NKAIN2: variants seen among roughly 807,000 people sequenced by gnomAD.
The protein encoded by NKAIN2 is sodium/potassium transporting ATPase interacting 2.
In NKAIN2, 14 loss-of-function variants were observed where a neutral mutation model predicts 32.6. The ratio of observed to expected loss-of-function variants is 0.43; its 90% CI spans 0.28 to 0.67. The LOEUF is 0.67. Ranked by LOEUF, NKAIN2 falls within the 30% of genes least tolerant of loss-of-function variation. The probability of loss-of-function intolerance (pLI) is 0.17; values close to 1 mark genes in which losing one functional copy is unlikely to be tolerated. For missense variants in NKAIN2, 198 were observed against 258.3 expected, an observed-to-expected ratio of 0.77 and a Z score of 1.60; for synonymous variants, 80 against 87.2, an observed-to-expected ratio of 0.92 and a Z score of 0.46.
chr6:124,363,151 A>C (rs566464549), intron 3 of NKAIN2, among the ~76,000 whole-genome samples: 1 of 152,216 alleles, frequency 6.6e-6, no homozygotes, highest in African/African-American at 2.4e-5. Flanking sequence ...TTTTATGTGG[A>C]CTACTAAAAT....
chr6:124,312,029 G>A (rs188581510), intron 2 of NKAIN2, among the ~76,000 whole-genome samples: 5 of 152,176 alleles, frequency 3.3e-5, no homozygotes, highest in African/African-American at 1.2e-4. Flanking sequence ...TGGGGAGAGA[G>A]AAAGAGGTAT....
chr6:124,308,237 C>T (rs962520738), intron 2 of NKAIN2, among the ~76,000 whole-genome samples: 2 of 151,778 alleles, frequency 1.3e-5, no homozygotes, highest in South Asian at 2.1e-4. Flanking sequence ...TGAGAACATG[C>T]GGAGTTTAGT....
At chr6:124,513,922 T>A (rs1044072184) in intron 3 of NKAIN2, among the ~76,000 whole-genome samples, 2 of 152,192 alleles carry the variant, frequency 1.3e-5, no homozygotes, top group Non-Finnish European at 2.9e-5. Context: ...GTGTGCTTGA[T>A]GTTCTGCAAT....
chr6:123,824,569 G>C (rs1321316822), intron 1 of NKAIN2, among the ~76,000 whole-genome samples: 3 of 151,934 alleles, frequency 2.0e-5, no homozygotes, highest in African/African-American at 7.3e-5. Flanking sequence ...GTAGTTTACA[G>C]TTTAAAAATT....
At chr6:124,463,655 G>A (rs1006803107) in intron 3 of NKAIN2, among the ~76,000 whole-genome samples, 27 of 151,914 alleles carry the variant, frequency 1.8e-4, no homozygotes, top group Admixed American at 1.1e-3. Flanking sequence ...CTATCTCATC[G>A]TACCTTTCTT....
Position 124,792,790 on chromosome 6 carries a change from G to C in NKAIN2, c.535+1391G>C, listed in dbSNP as rs1270244240. ...CGGCCAGATTAATGTGACTGAATTT[G>C]TTTCCTGTGCTACAGGTAGACAGCT... On this transcript the variant is annotated intron_variant, in intron 5 of 6. Coordinates refer to ENST00000368417, the MANE Select transcript of NKAIN2 (RefSeq NM_001040214.3). Among the ~76,000 whole-genome samples the C allele has an allele frequency of 3.9e-5, 6 of 152,082 alleles. No individual in the cohort carries two copies. In the South Asian group the frequency reaches 6.2e-4, roughly 16 times the overall value.
At chr6:124,437,324 G>T (rs1775490979) in intron 3 of NKAIN2, among the ~76,000 whole-genome samples, 1 of 152,202 alleles carries the variant, frequency 6.6e-6, no homozygotes, top group South Asian at 2.1e-4. Context: ...AGAAATATTT[G>T]AGGAATTAAT....
chr6:124,329,943 A>G (rs1406101775), intron 2 of NKAIN2, among the ~76,000 whole-genome samples: 2 of 152,092 alleles, frequency 1.3e-5, no homozygotes, highest in African/African-American at 2.4e-5. Flanking sequence ...CCATACTCAG[A>G]ATATTTCCAA....
At chr6:124,723,822 A>C (rs1437468284) in intron 4 of NKAIN2, among the ~76,000 whole-genome samples, 1 of 152,218 alleles carries the variant, frequency 6.6e-6, no homozygotes, top group Non-Finnish European at 1.5e-5. Context: ...GATTTATAAA[A>C]TCATGTATAA....
intron 3 of NKAIN2, among the ~76,000 whole-genome samples, chr6:124,565,674 G>A (rs527764437): frequency 2.0e-5 from 3 of 152,176 alleles, no homozygotes; most frequent in Non-Finnish European, 2.9e-5. Flanking sequence ...CGGATGATTT[G>A]GCCTTGTGTG....
chr6:124,092,495 T>G (rs935358697), intron 1 of NKAIN2, among the ~76,000 whole-genome samples: 6 of 152,074 alleles, frequency 3.9e-5, no homozygotes, highest in African/African-American at 1.2e-4. Flanking sequence ...ATTAAAAACT[T>G]TTTTTCTGTA....
At chr6:124,604,508 G>A (rs567932943) in intron 3 of NKAIN2, among the ~76,000 whole-genome samples, 1 of 151,112 alleles carries the variant, frequency 6.6e-6, no homozygotes, top group Admixed American at 6.6e-5. Context: ...ACTTCTTTTT[G>A]TGTCTTCTTC....
chr6:124,137,808 C>A (rs1786896114), intron 1 of NKAIN2, among the ~76,000 whole-genome samples: 1 of 152,032 alleles, frequency 6.6e-6, no homozygotes, highest in Non-Finnish European at 1.5e-5. Context: ...AACTGGCAAG[C>A]CATATGTAGA....
intron 3 of NKAIN2, among the ~76,000 whole-genome samples, chr6:124,533,017 A>G (rs1779581915): frequency 6.6e-6 from 1 of 152,056 alleles, no homozygotes; most frequent in African/African-American, 2.4e-5. Flanking sequence ...TTAGTGTCTG[A>G]GTGCATCTCC....
intron 1 of NKAIN2, among the ~76,000 whole-genome samples, chr6:124,065,618 A>G (rs1414166304): frequency 6.6e-6 from 1 of 152,034 alleles, no homozygotes; most frequent in Non-Finnish European, 1.5e-5. Context: ...CCAGACACCA[A>G]AAGTTGGTGC....
At chr6:124,326,306 T>C (rs568477268) in intron 2 of NKAIN2, among the ~76,000 whole-genome samples, 2 of 152,188 alleles carry the variant, frequency 1.3e-5, no homozygotes, top group African/African-American at 4.8e-5. Context: ...TTTATCTTTC[T>C]AGTTTTTAAA....
At chr6:123,903,445 T>A (rs545737278) in intron 1 of NKAIN2, among the ~76,000 whole-genome samples, 1 of 152,198 alleles carries the variant, frequency 6.6e-6, no homozygotes, top group Non-Finnish European at 1.5e-5. Flanking sequence ...TGGTATGCTT[T>A]ATAATATTCA....
At position 123,900,751 on chromosome 6, in the gene NKAIN2, TTA is replaced by T. The variant is rs1331165120; in HGVS notation, c.54+96499_54+96500del. Among the ~76,000 whole-genome samples, 6 of 152,094 alleles carry T rather than the reference TTA, an allele frequency of 3.9e-5. 1 individual carries two copies. The South Asian group carries it at 8.3e-4, about 21-fold the overall frequency. ...TTTGGCTTGTTGTCTAATCATATTT[TTA>T]TGTCAGAAGCTGACCATTTCTTCAG... On this transcript the variant is annotated intron_variant, in intron 1 of 6. Coordinates refer to ENST00000368417, the MANE Select transcript of NKAIN2 (RefSeq NM_001040214.3).
chr6:124,539,582 TAAG>T (rs1342219171), intron 3 of NKAIN2, among the ~76,000 whole-genome samples: 5 of 152,114 alleles, frequency 3.3e-5, no homozygotes, highest in South Asian at 2.1e-4. Context: ...TAAAAACAAG[TAAG>T]AAGAATTTTA....
Sources: gnomAD v4.1 joint callset for allele counts (sites outside exome capture counted in the v4.1 genomes callset) on GRCh38, gnomAD v4.1.1 for gene constraint, MANE v1.5 for transcripts, NCBI Gene and HGNC (gene_info 2026-07-23, HGNC 2026-07-21) for gene names.